Variants in GALNTL6 observed in about 807,000 individuals in gnomAD.
GALNTL6 encodes the protein polypeptide N-acetylgalactosaminyltransferase-like 6.
Under a neutral mutation model 73.7 loss-of-function variants are expected in GALNTL6, and 46 were observed. The ratio of observed to expected loss-of-function variants is 0.62; its 90% CI spans 0.49 to 0.80. GALNTL6 has a LOEUF of 0.80. Ranked by LOEUF, GALNTL6 falls within the 30% of genes least tolerant of loss-of-function variation. GALNTL6 has a pLI of 0.00. For missense variants in GALNTL6, 604 were observed against 755.0 expected (o/e 0.80, Z 2.34); for synonymous variants, 259 against 263.7 (o/e 0.98, Z 0.17).
intron 5 of GALNTL6, among the ~76,000 whole-genome samples, chr4:172,660,915 GA>G (rs1316979354): frequency 6.6e-6 from 1 of 152,140 alleles, no homozygotes; most frequent in African/African-American, 2.4e-5. Context: ...AAGCACAAAT[GA>G]ATATTAAACT....
intron 3 of GALNTL6, among the ~76,000 whole-genome samples, chr4:172,305,316 G>A (rs1740090420): frequency 6.6e-6 from 1 of 152,020 alleles, no homozygotes; most frequent in Non-Finnish European, 1.5e-5. Context: ...ATATTTGTAA[G>A]ACAGCAATTT....
At chr4:172,172,289 C>G (rs1734853829) in intron 2 of GALNTL6, among the ~76,000 whole-genome samples, 2 of 152,124 alleles carry the variant, frequency 1.3e-5, no homozygotes, top group African/African-American at 2.4e-5. Flanking sequence ...CCTCTGCCTC[C>G]TGGGTTCCAG....
At chr4:172,609,826 T>A (rs950893969) in intron 5 of GALNTL6, among the ~76,000 whole-genome samples, 2 of 134,142 alleles carry the variant, frequency 1.5e-5, no homozygotes, top group African/African-American at 6.8e-5. Context: ...TGGTCCTGGA[T>A]TTTTTTTTTG....
At chr4:172,379,499 C>T (rs1192427281) in intron 5 of GALNTL6, among the ~76,000 whole-genome samples, 2 of 125,728 alleles carry the variant, frequency 1.6e-5, no homozygotes, top group Non-Finnish European at 3.2e-5. Flanking sequence ...CACTGCAGTC[C>T]GCAGTCCGGC....
chr4:172,969,055 T>TAA (rs932685819), intron 10 of GALNTL6, among the ~76,000 whole-genome samples: 1 of 152,152 alleles, frequency 6.6e-6, no homozygotes, highest in African/African-American at 2.4e-5. Context: ...ATCTTAAAAC[T>TAA]AATCAAAGCT....
At chr4:172,217,442 T>A (rs532967048) in intron 2 of GALNTL6, among the ~76,000 whole-genome samples, 2 of 152,170 alleles carry the variant, frequency 1.3e-5, no homozygotes, top group Non-Finnish European at 2.9e-5. Context: ...TAAAAAAATA[T>A]CAGAGCTAGT....
intron 5 of GALNTL6, among the ~76,000 whole-genome samples, chr4:172,468,012 G>C (rs1189792642): frequency 6.6e-6 from 1 of 150,588 alleles, no homozygotes; most frequent in Non-Finnish European, 1.5e-5. Context: ...TCCTACTTCA[G>C]CCTCTGAGTA....
chr4:171,826,136 T>C (rs490568), intron 2 of GALNTL6, among the ~76,000 whole-genome samples: 149,766 of 152,278 alleles, frequency 0.98, 73,703 homozygotes, highest in Middle Eastern at 1. Context: ...TCGTCGTTTT[T>C]GGAAACTGCT....
At chr4:171,949,125 G>C (rs1260809732) in intron 2 of GALNTL6, among the ~76,000 whole-genome samples, 1 of 152,052 alleles carries the variant, frequency 6.6e-6, no homozygotes, top group South Asian at 2.1e-4. Flanking sequence ...AATCCCACAT[G>C]AACTTGAGTT....
chr4:172,754,541 C>T (rs7672787), intron 5 of GALNTL6, among the ~76,000 whole-genome samples: 68,125 of 151,942 alleles, frequency 0.45, 17,608 homozygotes, highest in East Asian at 0.68. Flanking sequence ...CATTGCACTC[C>T]AGCCTAGGCG....
intron 2 of GALNTL6, among the ~76,000 whole-genome samples, chr4:172,046,320 T>C (rs1742221204): frequency 6.6e-6 from 1 of 152,130 alleles, no homozygotes; most frequent in South Asian, 2.1e-4. Context: ...TTATTATTAT[T>C]ATACTTTAAG....
At chr4:172,173,344 G>A (rs1734894151) in intron 2 of GALNTL6, among the ~76,000 whole-genome samples, 1 of 152,176 alleles carries the variant, frequency 6.6e-6, no homozygotes, top group South Asian at 2.1e-4. Flanking sequence ...ACTGGGGGAG[G>A]AGGGCTCTGC....
At position 171,994,025 on chromosome 4, in the gene GALNTL6, G is replaced by A. The variant is rs116424282; in HGVS notation, c.138+179307G>A. 1.7e-3 allele frequency among the ~76,000 whole-genome samples: 261 copies of A among 152,120 alleles called. 1 individual carries two copies. The highest frequency in any genetic ancestry group is 5.9e-3 in the African/African-American group (246 of 41,520). On this transcript the variant is annotated intron_variant, in intron 2 of 12. Coordinates refer to ENST00000506823, the MANE Select transcript of GALNTL6 (RefSeq NM_001034845.3). The stretch of plus-strand genomic sequence containing the variant: ...AAAAGATCAAGAAGTAATAAAAGAA[G>A]TGTCTTCATCCCTTTATATTGTTAT...
intron 7 of GALNTL6, among the ~76,000 whole-genome samples, chr4:172,845,358 C>T (rs1019053164): frequency 2.6e-5 from 4 of 152,010 alleles, no homozygotes; most frequent in Non-Finnish European, 2.9e-5. Flanking sequence ...AGGTAGATTC[C>T]AGGAACACAG....
At chr4:172,208,114 G>A (rs912553322) in intron 2 of GALNTL6, among the ~76,000 whole-genome samples, 6 of 152,160 alleles carry the variant, frequency 3.9e-5, no homozygotes, top group Admixed American at 2.6e-4. Context: ...TGGAGGCCAT[G>A]CAGTGAGCTT....
intron 5 of GALNTL6, among the ~76,000 whole-genome samples, chr4:172,645,662 C>T (rs1740210868): frequency 6.6e-6 from 1 of 151,750 alleles, no homozygotes; most frequent in Non-Finnish European, 1.5e-5. Flanking sequence ...AAAAAGCATA[C>T]AAATTTAATA....
chr4:172,831,688 C>A (rs558643270), intron 7 of GALNTL6, among the ~76,000 whole-genome samples: 1 of 152,110 alleles, frequency 6.6e-6, no homozygotes, highest in Non-Finnish European at 1.5e-5. Context: ...TGTATCCCTG[C>A]AAAATTCATA....
chr4:172,379,369 C>A lies in GALNTL6; in HGVS notation c.553+30680C>A, dbSNP rs1477603350. On this transcript the variant is annotated intron_variant, in intron 5 of 12. Coordinates refer to ENST00000506823, the MANE Select transcript of GALNTL6 (RefSeq NM_001034845.3). ...CAAGGTGAAACCCCGTCTCTACTAACAATACAAAAAATTAGCCGGGCACGG... is the reference window on the plus strand; with the variant it reads ...CAAGGTGAAACCCCGTCTCTACTAAAAATACAAAAAATTAGCCGGGCACGG... Among the ~76,000 whole-genome samples, 155 of 151,500 alleles carry A rather than the reference C, an allele frequency of 1.0e-3. 1 individual carries two copies. In the South Asian group the frequency reaches 0.016, roughly 15 times the overall value.
intron 7 of GALNTL6, among the ~76,000 whole-genome samples, chr4:172,855,997 C>A (rs1164711264): frequency 6.6e-6 from 1 of 152,158 alleles, no homozygotes; most frequent in Non-Finnish European, 1.5e-5. Context: ...GGCCAACGAT[C>A]CACATTGTAC....
Sources: allele counts gnomAD v4.1 joint callset (sites outside exome capture counted in the v4.1 genomes callset), GRCh38; gene constraint gnomAD v4.1.1; transcripts MANE v1.5; gene names NCBI Gene and HGNC (gene_info 2026-07-23, HGNC 2026-07-21).